SYT7: variants seen among roughly 807,000 people sequenced by gnomAD.
The protein encoded by SYT7 is synaptotagmin 7.
Under a neutral mutation model 75.1 loss-of-function variants are expected in SYT7, and 29 were observed. The ratio of observed to expected loss-of-function variants is 0.39; its 90% CI spans 0.29 to 0.53. SYT7 has a LOEUF of 0.53. Ranked by LOEUF, SYT7 falls within the 20% of genes least tolerant of loss-of-function variation. The pLI, the probability that SYT7 is intolerant of heterozygous loss-of-function variation, is 0.77. For missense variants in SYT7, 693 were observed against 953.2 expected (o/e 0.73, Z 3.59); for synonymous variants, 376 against 401.7 (o/e 0.94, Z 0.76).
rs1282852158 is a variant in SYT7 at position 61,524,310 on chromosome 11, T to C, written c.1641+53A>G. 7 of 1,600,414 alleles carry C rather than the reference T, an allele frequency of 4.4e-6. No homozygotes were observed. The highest frequency in any genetic ancestry group is 8.5e-7 in the Non-Finnish European group (1 of 1,173,164). ...GTTGACAAGGGTCTGGGACCAGATC[T>C]CCCAGCCCTGCCCTGCTGCCTGTCC... On this transcript the variant is annotated intron_variant, in intron 10 of 12. Transcript: ENST00000539008. This position sits in a 1 kb window ranked among gnomAD's most constrained non-coding sequence, Gnocchi z 4.1.
In SYT7 at chr11:61,546,296, G is replaced by A; in HGVS notation, c.348-41C>T. ...AGGCAGCCAGGCCAGAGGGGCACCG[G>A]GGGTGGCGGTGGGGGAGAGAGGGCA... On this transcript the variant is annotated intron_variant, in intron 4 of 12. Coordinates refer to ENST00000539008, the MANE Select transcript of SYT7 (RefSeq NM_001365809.2). The surrounding 1 kb of genome is among the most constrained non-coding windows in gnomAD (Gnocchi z 7.6). 1.5e-6 allele frequency: 2 copies of A among 1,374,418 alleles called. No individual in the cohort carries two copies. Among genetic ancestry groups the A allele is most frequent in the Non-Finnish European group, 1.9e-6 (2 of 1,059,576 alleles). 85.1% of individuals were successfully genotyped at this position (1,374,418 alleles called of 1,614,324 possible). A position where few individuals can be genotyped will look rare whatever the true frequency, so the allele number is the denominator to read the frequency against.
intron 1 of SYT7, among the ~76,000 whole-genome samples, chr11:61,558,615 G>A (rs992120811): frequency 2.6e-5 from 4 of 152,088 alleles, no homozygotes; most frequent in Non-Finnish European, 4.4e-5. Context: ...CAGTGGGGAA[G>A]ACAGGTTAGA....
chr11:61,562,020 GCA>G (rs2063649488), intron 1 of SYT7, among the ~76,000 whole-genome samples: 2 of 151,124 alleles, frequency 1.3e-5, no homozygotes, highest in East Asian at 1.9e-4. Context: ...GTGCGCGCAT[GCA>G]CACACACATG....
At position 61,552,709 on chromosome 11, in the gene SYT7, C is replaced by T. The variant is rs1808139210; in HGVS notation, c.136-1246G>A. On this transcript the variant is annotated intron_variant, in intron 2 of 12. Transcript: ENST00000539008. Reference sequence around the variant, plus strand: ...TCTAGGGAGACCAGCAGCAAAGCTCCCTCATCCCACCAGCAGTGCCCTACA... The same window carrying T: ...TCTAGGGAGACCAGCAGCAAAGCTCTCTCATCCCACCAGCAGTGCCCTACA... Among the ~76,000 whole-genome samples, 3 of 152,290 alleles carry T rather than the reference C, an allele frequency of 2.0e-5. No homozygotes were observed. In the South Asian group the frequency reaches 6.2e-4, roughly 32 times the overall value.
At chr11:61,537,891 G>A (rs924687618) in intron 7 of SYT7, among the ~76,000 whole-genome samples, 15 of 152,210 alleles carry the variant, frequency 9.9e-5, no homozygotes, top group African/African-American at 3.1e-4. Context: ...GCTCCGGGCC[G>A]GGGCAAGCAT....
chr11:61,568,926 C>A (rs1485627376), intron 1 of SYT7, among the ~76,000 whole-genome samples: 1 of 152,206 alleles, frequency 6.6e-6, no homozygotes, highest in Non-Finnish European at 1.5e-5. Context: ...AATGGCTTGC[C>A]CCAAGTCACA....
chr11:61,546,834 G>A lies in SYT7; in HGVS notation c.347+343C>T, dbSNP rs2063206227. On this transcript the variant is annotated intron_variant, in intron 4 of 12. Transcript: ENST00000539008. The surrounding 1 kb of genome is among the most constrained non-coding windows in gnomAD (Gnocchi z 7.6). ...CGGGGAGGAAGAAGCGACCACAACC[G>A]AGGGGGCGGGACCCAAACGGGCAAC... is the stretch of plus-strand genomic sequence containing the variant. Among the ~76,000 whole-genome samples the A allele has an allele frequency of 6.6e-6, 1 of 152,088 alleles. No individual in the cohort carries two copies. Among genetic ancestry groups the A allele is most frequent in the African/African-American group, 2.4e-5 (1 of 41,390 alleles).
rs920860286 is a variant in SYT7 at position 61,580,694 on chromosome 11, C to A, written c.31+96G>T. On this transcript the variant is annotated intron_variant, in intron 1 of 12. Coordinates refer to ENST00000539008, the MANE Select transcript of SYT7 (RefSeq NM_001365809.2). This position sits in a 1 kb window ranked among gnomAD's most constrained non-coding sequence, Gnocchi z 6.1. ...GGGAGCCCGTGCGGCTCCGGGCGGA[C>A]AACAGCCCCAGGCTGGGGCTCCGAG... is the stretch of plus-strand genomic sequence containing the variant. 9.2e-5 allele frequency: 80 copies of A among 870,564 alleles called. No individual in the cohort carries two copies. In the African/African-American group the frequency reaches 1.3e-3, roughly 14 times the overall value. The allele number at this position is 870,564 out of a possible 1,614,324, so 53.9% of individuals were successfully genotyped here.
chr11:61,527,806 GGTGT>G, intron 9 of SYT7, 105 bp downstream of exon 9: 1 of 1,327,578 alleles, frequency 7.5e-7, no homozygotes, highest in Non-Finnish European at 1.0e-6. Context: ...TGGGCCTGCA[GGTGT>G]GTGTACACAT....
rs2062207818 is a variant in SYT7, at chr11:61,518,553, G to A, written c.*74C>T. 1.8e-6 allele frequency: 2 copies of A among 1,115,946 alleles called. No individual in the cohort carries two copies. The highest frequency in any genetic ancestry group is 2.5e-6 in the Non-Finnish European group (2 of 799,262). The allele number at this position is 1,115,946 out of a possible 1,614,324, so 69.1% of individuals were successfully genotyped here. A position where few individuals can be genotyped will look rare whatever the true frequency, so the allele number is the denominator to read the frequency against. ...TCCCTATGGCAGGGGGCTCAGGCCG[G>A]GCGTTGTGCATAAAGTGGTGAGGGC... is the stretch of plus-strand genomic sequence containing the variant. On this transcript the variant is annotated 3_prime_UTR_variant, in exon 13 of 13. Transcript: ENST00000539008.
chr11:61,573,887 G>T (rs1005298978), intron 1 of SYT7, among the ~76,000 whole-genome samples: 1 of 152,236 alleles, frequency 6.6e-6, no homozygotes, highest in Non-Finnish European at 1.5e-5. Flanking sequence ...GTCTGGCAGC[G>T]TGGCTGGAAT....
intron 1 of SYT7, among the ~76,000 whole-genome samples, chr11:61,569,672 G>A (rs2063867581): frequency 6.6e-6 from 1 of 152,048 alleles, no homozygotes; most frequent in Admixed American, 6.5e-5. Flanking sequence ...AAGGGGCAGA[G>A]GCAGAGAGAC....
intron 1 of SYT7, among the ~76,000 whole-genome samples, chr11:61,579,540 G>T (rs1365069859): frequency 6.6e-6 from 1 of 152,102 alleles, no homozygotes; most frequent in East Asian, 1.9e-4. Flanking sequence ...TCGATGGGGG[G>T]TGGGAGCCGA....
chr11:61,537,455 A>G (rs2062899875), intron 7 of SYT7, among the ~76,000 whole-genome samples: 1 of 152,124 alleles, frequency 6.6e-6, no homozygotes, highest in African/African-American at 2.4e-5. Flanking sequence ...CACACAGGCT[A>G]TGCCCAGTCT....
intron 12 of SYT7, among the ~76,000 whole-genome samples, chr11:61,521,557 C>T (rs2062333199): frequency 6.6e-6 from 1 of 152,178 alleles, no homozygotes; most frequent in South Asian, 2.1e-4. Context: ...CTCCCCGTGC[C>T]ATACCTGATG....
Position 61,523,929 on chromosome 11 carries a change from C to T in SYT7, c.1654G>A (p.Glu552Lys). Residue 552 changes from glutamate (E) to lysine (K), a missense_variant, in exon 11 of 13, where the codon GAG becomes AAG. Glu to Lys is a moderately conservative substitution (Grantham distance 56, BLOSUM62 1). This residue lies in a region of SYT7 where 206 missense variants were observed against 360.0 expected (regional missense o/e 0.57). Transcript: ENST00000539008. The surrounding 1 kb of genome is among the most constrained non-coding windows in gnomAD (Gnocchi z 5.0). ...PCSDGSGSRG[E>K]LLLSLCYNPS... ...TTGTAGCAGAGAGACAAGAGCAGCT[C>T]CCCTCGGCTCCCCTGGGAGGCACGA... is the stretch of plus-strand genomic sequence containing the variant. 1 of 1,613,896 alleles carries T rather than the reference C, an allele frequency of 6.2e-7. No homozygotes were observed. The highest frequency in any genetic ancestry group is 8.5e-7 in the Non-Finnish European group (1 of 1,179,886).
Position 61,552,075 on chromosome 11 carries a change from C to T in SYT7, c.136-612G>A, listed in dbSNP as rs2515768. On this transcript the variant is annotated intron_variant, in intron 2 of 12. Transcript: ENST00000539008. ...CTGCCCGCTGACTCAGAGGCAGTTG[C>T]GGGGAGGCAGCCTGGGCCCCTGCCC... 2.6e-3 allele frequency among the ~76,000 whole-genome samples: 390 copies of T among 152,090 alleles called. 6 individuals are homozygous for T. Among genetic ancestry groups the T allele is most frequent in the African/African-American group, 8.8e-3 (364 of 41,480 alleles).
Position 61,556,146 on chromosome 11 carries a change from A to C in SYT7, c.93T>G (p.Thr31=). The C allele has an allele frequency of 1.2e-6, 2 of 1,614,060 alleles. No homozygotes were observed. Among genetic ancestry groups the C allele is most frequent in the East Asian group, 2.2e-5 (1 of 44,858 alleles). Residue 31 remains threonine (T), a synonymous_variant, in exon 2 of 13, where the codon ACT becomes ACG. Coordinates refer to ENST00000539008, the MANE Select transcript of SYT7 (RefSeq NM_001365809.2). The stretch of plus-strand genomic sequence containing the variant: ...AGTGGCAGAGGCCGCAGAGGACGAC[A>C]GTGACGCTAAGGCTGACGGTGATGA... ...SAIITVSLSV[T]VVLCGLCHWC...
chr11:61,548,285 C>G (rs2063249935), intron 3 of SYT7, among the ~76,000 whole-genome samples: 1 of 152,236 alleles, frequency 6.6e-6, no homozygotes, highest in African/African-American at 2.4e-5. Flanking sequence ...CCCTGGGTCC[C>G]TGTCCCTTTC....
Sources: gnomAD v4.1 joint callset for allele counts (sites outside exome capture counted in the v4.1 genomes callset) on GRCh38, gnomAD v4.1.1 for gene constraint, gnomAD v4.1.1 regional missense constraint, Gnocchi (gnomAD v3.1) non-coding constraint, MANE v1.5 for transcripts, NCBI Gene and HGNC (gene_info 2026-07-23, HGNC 2026-07-21) for gene names.